The following TJP1 variants were observed in gnomAD, a reference collection of about 807,000 sequenced individuals.
TJP1 encodes tight junction protein 1, also known as tight junction protein ZO-1.
In TJP1, 43 loss-of-function variants were observed where a neutral mutation model predicts 194.2. The ratio of observed to expected loss-of-function variants is 0.22; its 90% CI spans 0.17 to 0.29. TJP1 has a LOEUF of 0.29. Ranked by LOEUF, TJP1 falls within the 10% of genes least tolerant of loss-of-function variation. The pLI is 1.00. For missense variants in TJP1, 1,971 were observed against 2,185.7 expected, an observed-to-expected ratio of 0.90 and a Z score of 1.96; for synonymous variants, 801 against 779.0, an observed-to-expected ratio of 1.03 and a Z score of -0.47.
At chr15:29,949,838 TCCACAACCA>T (rs1380006081) in intron 2 of TJP1, among the ~76,000 whole-genome samples, 4 of 19,362 alleles carry the variant, frequency 2.1e-4, no homozygotes, top group Admixed American at 6.6e-4. Context: ...CACCACCACC[TCCACAACCA>T]CCACCTCCAC....
chr15:29,945,584 G>A (rs1042080920), intron 2 of TJP1, among the ~76,000 whole-genome samples: 16 of 152,184 alleles, frequency 1.1e-4, no homozygotes, highest in Non-Finnish European at 2.1e-4. Context: ...GCACTGGTGG[G>A]CAGAGGAGGA....
At chr15:29,809,455 A>C (rs1165772666) in intron 1 of TJP1, among the ~76,000 whole-genome samples, 1 of 152,186 alleles carries the variant, frequency 6.6e-6, no homozygotes, top group Non-Finnish European at 1.5e-5. Flanking sequence ...GGAAAGAGAG[A>C]GACAGAAATG....
At chr15:29,954,940 C>G (rs1282809987) in intron 2 of TJP1, among the ~76,000 whole-genome samples, 2 of 152,020 alleles carry the variant, frequency 1.3e-5, no homozygotes, top group African/African-American at 2.4e-5. Context: ...ATTACCCAGG[C>G]GTGGTGGCGG....
At chr15:29,716,293 C>T (rs1031669710) in intron 23 of TJP1, among the ~76,000 whole-genome samples, 1 of 152,160 alleles carries the variant, frequency 6.6e-6, no homozygotes, top group Non-Finnish European at 1.5e-5. Context: ...GAAAAAGAAC[C>T]AGCATGACAT....
chr15:29,949,402 CACA>C (rs2055460259), intron 2 of TJP1, among the ~76,000 whole-genome samples: 1 of 139,288 alleles, frequency 7.2e-6, no homozygotes, highest in Admixed American at 7.6e-5. Flanking sequence ...CCACCACCTC[CACA>C]ACCACCACCT....
At chr15:29,871,730 C>T (rs1191312728) in intron 2 of TJP1, among the ~76,000 whole-genome samples, 1 of 152,030 alleles carries the variant, frequency 6.6e-6, no homozygotes, top group Non-Finnish European at 1.5e-5. Flanking sequence ...ACTGCAGCCC[C>T]AAGAGAGACC....
At chr15:29,741,801 A>C (rs2044440083) in intron 9 of TJP1, among the ~76,000 whole-genome samples, 1 of 152,220 alleles carries the variant, frequency 6.6e-6, no homozygotes, top group South Asian at 2.1e-4. Context: ...TCTGCCACTC[A>C]GCAAGCAGAG....
At chr15:29,755,756 T>C (rs1007862584) in intron 8 of TJP1, among the ~76,000 whole-genome samples, 2 of 152,194 alleles carry the variant, frequency 1.3e-5, no homozygotes, top group Non-Finnish European at 2.9e-5. Context: ...GTTTAGGCCT[T>C]AGATGAACTC....
At chr15:29,935,199 G>C (rs1848796205) in intron 2 of TJP1, among the ~76,000 whole-genome samples, 1 of 152,148 alleles carries the variant, frequency 6.6e-6, no homozygotes, top group Non-Finnish European at 1.5e-5. Context: ...TCAACTCTTT[G>C]ATCAGTTCAA....
At chr15:29,764,963 C>T (rs1224991164) in intron 5 of TJP1, among the ~76,000 whole-genome samples, 1 of 151,670 alleles carries the variant, frequency 6.6e-6, no homozygotes, top group Non-Finnish European at 1.5e-5. Flanking sequence ...AAAAAAGTTA[C>T]CTTAAGTGGA....
intron 16 of TJP1, 148 bp downstream of exon 16, chr15:29,727,786 CATT>C (rs1218846531): frequency 3.4e-6 from 2 of 592,720 alleles, no homozygotes; most frequent in Non-Finnish European, 5.9e-6. Flanking sequence ...TGAAAGTAAT[CATT>C]ATAATGCTTT....
chr15:29,763,642 C>T (rs554877346), intron 5 of TJP1, among the ~76,000 whole-genome samples: 3 of 151,854 alleles, frequency 2.0e-5, no homozygotes, highest in Non-Finnish European at 4.4e-5. Context: ...TGGTGCACAC[C>T]TATAATCCCA....
intron 1 of TJP1, among the ~76,000 whole-genome samples, chr15:29,965,312 C>T (rs1026635775): frequency 3.3e-5 from 5 of 151,924 alleles, no homozygotes; most frequent in Admixed American, 6.6e-5. Flanking sequence ...TAGGTTCAAG[C>T]GATTCTCCTG....
chr15:29,825,592 A>G (rs2050651503), upstream of TJP1, among the ~76,000 whole-genome samples: 1 of 152,202 alleles, frequency 6.6e-6, no homozygotes, highest in Non-Finnish European at 1.5e-5. Flanking sequence ...TAATTTGTAT[A>G]TATGTATATG....
At chr15:29,905,462 C>T (rs1203741702) in intron 2 of TJP1, among the ~76,000 whole-genome samples, 1 of 152,138 alleles carries the variant, frequency 6.6e-6, no homozygotes, top group African/African-American at 2.4e-5. Context: ...CAGTTTCTTA[C>T]AAAACCAAAC....
At chr15:29,924,152 C>T (rs1057018229) in intron 2 of TJP1, among the ~76,000 whole-genome samples, 1 of 152,200 alleles carries the variant, frequency 6.6e-6, no homozygotes, top group African/African-American at 2.4e-5. Context: ...CTGCTCACTT[C>T]AGCCTCAACC....
At chr15:29,951,500 C>A (rs2055751697) in intron 2 of TJP1, among the ~76,000 whole-genome samples, 1 of 151,932 alleles carries the variant, frequency 6.6e-6, no homozygotes, top group African/African-American at 2.4e-5. Context: ...AAAGAAGTGT[C>A]TTTTCAAATC....
intron 2 of TJP1, among the ~76,000 whole-genome samples, chr15:29,879,555 T>C (rs1032139729): frequency 6.6e-6 from 1 of 152,204 alleles, no homozygotes; most frequent in African/African-American, 2.4e-5. Flanking sequence ...TACAGTGGTT[T>C]TAAAGCTAAG....
chr15:29,740,578 G>A (rs2044344967), intron 10 of TJP1, among the ~76,000 whole-genome samples: 1 of 151,922 alleles, frequency 6.6e-6, no homozygotes, highest in African/African-American at 2.4e-5. Flanking sequence ...GTTGCAGTTA[G>A]CCGAGATTGC....
Sources: allele counts gnomAD v4.1 joint callset (sites outside exome capture counted in the v4.1 genomes callset), GRCh38; gene constraint gnomAD v4.1.1; transcripts MANE v1.5; gene names NCBI Gene and HGNC (gene_info 2026-07-23, HGNC 2026-07-21).